MAML3: variants seen among roughly 807,000 people sequenced by gnomAD.
MAML3 encodes mastermind-like protein 3.
In MAML3, 27 loss-of-function variants were observed where a neutral mutation model predicts 101.9. The ratio of observed to expected loss-of-function variants is 0.27; its 90% CI spans 0.20 to 0.37. The LOEUF (loss-of-function observed/expected upper bound fraction) is 0.37. Ranked by LOEUF, MAML3 falls within the 10% of genes least tolerant of loss-of-function variation. The probability of loss-of-function intolerance (pLI) is 1.00; values close to 1 mark genes in which losing one functional copy is unlikely to be tolerated. For missense variants in MAML3, 1,316 were observed against 1,444.9 expected (o/e 0.91, Z 1.45); for synonymous variants, 501 against 555.9 (o/e 0.90, Z 1.39).
chr4:139,959,238 C>A (rs1733965661), intron 1 of MAML3, among the ~76,000 whole-genome samples: 1 of 152,178 alleles, frequency 6.6e-6, no homozygotes, highest in African/African-American at 2.4e-5. Context: ...TCAGAGCTCT[C>A]ACAGTTCTTG....
At chr4:140,131,522 A>C (rs1173522928) in intron 1 of MAML3, among the ~76,000 whole-genome samples, 3 of 152,248 alleles carry the variant, frequency 2.0e-5, no homozygotes, top group Admixed American at 6.5e-5. Context: ...CAGGAAGGAA[A>C]AGTAGAATGG....
At chr4:139,722,156 T>C (rs535482764) in intron 4 of MAML3, among the ~76,000 whole-genome samples, 3 of 152,338 alleles carry the variant, frequency 2.0e-5, no homozygotes, top group South Asian at 4.1e-4. Context: ...TAGGTTCCTT[T>C]CTTTAGAGGG....
chr4:139,866,141 A>G (rs957193201), intron 2 of MAML3, among the ~76,000 whole-genome samples: 9 of 152,260 alleles, frequency 5.9e-5, no homozygotes, highest in African/African-American at 2.2e-4. Flanking sequence ...TTCTACATCA[A>G]ACTGGCCTTC....
At chr4:140,119,508 G>T (rs971160606) in intron 1 of MAML3, among the ~76,000 whole-genome samples, 2 of 151,882 alleles carry the variant, frequency 1.3e-5, no homozygotes, top group Non-Finnish European at 2.9e-5. Flanking sequence ...TTCTTCTATC[G>T]TATCTTCTGG....
chr4:139,808,220 T>C (rs1273584498), intron 2 of MAML3, among the ~76,000 whole-genome samples: 2 of 152,238 alleles, frequency 1.3e-5, no homozygotes, highest in Non-Finnish European at 2.9e-5. Context: ...CATCCATCTA[T>C]CCATTCATGT....
At chr4:139,764,187 T>C (rs1292806099) in intron 2 of MAML3, among the ~76,000 whole-genome samples, 1 of 152,198 alleles carries the variant, frequency 6.6e-6, no homozygotes, top group Non-Finnish European at 1.5e-5. Context: ...CATACCTGGA[T>C]CTGTAGTCCT....
chr4:139,924,958 G>C (rs994285737), intron 1 of MAML3, among the ~76,000 whole-genome samples: 1 of 151,096 alleles, frequency 6.6e-6, no homozygotes, highest in Admixed American at 6.6e-5. Flanking sequence ...ATTAACAACG[G>C]AAGGAACTCC....
intron 1 of MAML3, among the ~76,000 whole-genome samples, chr4:139,937,932 G>T (rs1474913351): frequency 1.3e-5 from 2 of 152,124 alleles, no homozygotes; most frequent in Non-Finnish European, 2.9e-5. Context: ...AGATCAAGAT[G>T]CACAGGCTTC....
chr4:140,027,128 T>TC (rs1726839235), intron 1 of MAML3, among the ~76,000 whole-genome samples: 1 of 151,870 alleles, frequency 6.6e-6, no homozygotes, highest in Non-Finnish European at 1.5e-5. Context: ...ATGTCCCGAC[T>TC]CTATTATCTG....
chr4:139,772,846 G>A (rs929143884), intron 2 of MAML3, among the ~76,000 whole-genome samples: 12 of 150,178 alleles, frequency 8.0e-5, no homozygotes, highest in Non-Finnish European at 1.6e-4. Context: ...TTGGGAGGCC[G>A]AGGAGGGCAG....
chr4:140,034,221 G>A (rs1048057838), intron 1 of MAML3, among the ~76,000 whole-genome samples: 1 of 152,214 alleles, frequency 6.6e-6, no homozygotes, highest in African/African-American at 2.4e-5. Flanking sequence ...AGTAGCCTAT[G>A]AAGAGACAGA....
chr4:139,836,280 C>G (rs979427821), intron 2 of MAML3, among the ~76,000 whole-genome samples: 1 of 152,200 alleles, frequency 6.6e-6, no homozygotes, highest in African/African-American at 2.4e-5. Context: ...TACATTTCAG[C>G]TCCTCAATCA....
chr4:139,944,776 A>G lies in MAML3; in HGVS notation c.469-53809T>C, dbSNP rs535292341. Among the ~76,000 whole-genome samples the G allele has an allele frequency of 1.7e-3, 242 of 145,586 alleles. 2 individuals carry two copies. Among genetic ancestry groups the G allele is most frequent in the South Asian group, 0.012 (52 of 4,280 alleles). Reference sequence around the variant, plus strand: ...ACCATCTCACACCAGTTAGAATGGCAATCATTAAAAAGTCAGGAAACAACA... The same window carrying G: ...ACCATCTCACACCAGTTAGAATGGCGATCATTAAAAAGTCAGGAAACAACA... On this transcript the variant is annotated intron_variant, in intron 1 of 4. Coordinates refer to ENST00000509479, the MANE Select transcript of MAML3 (RefSeq NM_018717.5).
At chr4:140,078,954 T>TA (rs1321634838) in intron 1 of MAML3, among the ~76,000 whole-genome samples, 1 of 152,130 alleles carries the variant, frequency 6.6e-6, no homozygotes, top group Non-Finnish European at 1.5e-5. Flanking sequence ...GGGTGGGTGT[T>TA]AAATTATAAT....
At position 139,890,973 on chromosome 4, in the gene MAML3, A is replaced by G. The variant is rs1732484653; in HGVS notation, c.469-6T>C. 2 of 1,607,344 alleles carry G rather than the reference A, an allele frequency of 1.2e-6. No homozygotes were observed. The highest frequency in any genetic ancestry group is 1.7e-6 in the Non-Finnish European group (2 of 1,175,638). On this transcript the variant is annotated splice_region_variant and splice_polypyrimidine_tract_variant and intron_variant, in intron 1 of 4. Coordinates refer to ENST00000509479, the MANE Select transcript of MAML3 (RefSeq NM_018717.5). This position sits in a 1 kb window ranked among gnomAD's most constrained non-coding sequence, Gnocchi z 4.1. ...CTTTTCACAGTCTCTTGTAGCTGGA[A>G]AAGAAACAGGAAAGAGGATGACTAA...
chr4:140,108,050 T>C (rs2092912615), intron 1 of MAML3, among the ~76,000 whole-genome samples: 7 of 152,106 alleles, frequency 4.6e-5, no homozygotes, highest in Admixed American at 4.6e-4. Flanking sequence ...CAATCACATA[T>C]ATGACAAAAG....
At chr4:139,819,610 C>T (rs888782266) in intron 2 of MAML3, among the ~76,000 whole-genome samples, 4 of 152,290 alleles carry the variant, frequency 2.6e-5, no homozygotes, top group African/African-American at 9.6e-5. Context: ...TTGGACTATA[C>T]TGCCACCCGA....
At chr4:140,063,303 G>C (rs1378545097) in intron 1 of MAML3, among the ~76,000 whole-genome samples, 3 of 152,222 alleles carry the variant, frequency 2.0e-5, no homozygotes, top group Admixed American at 2.0e-4. Flanking sequence ...GCCACAGAGA[G>C]AGAAAATGAA....
chr4:139,879,926 A>G (rs1173720304), intron 2 of MAML3, among the ~76,000 whole-genome samples: 1 of 152,184 alleles, frequency 6.6e-6, no homozygotes, highest in Non-Finnish European at 1.5e-5. Context: ...TAATCCCAGC[A>G]CTTTGGGAGG....
Sources: allele counts gnomAD v4.1 joint callset (sites outside exome capture counted in the v4.1 genomes callset), GRCh38; gene constraint gnomAD v4.1.1; non-coding constraint Gnocchi (gnomAD v3.1); transcripts MANE v1.5; gene names NCBI Gene and HGNC (gene_info 2026-07-23, HGNC 2026-07-21).